KIF27: variants seen among roughly 807,000 people sequenced by gnomAD.
KIF27 encodes the protein kinesin-like protein KIF27.
A neutral mutation model predicts 141.8 loss-of-function variants in KIF27; 84 were observed. That is an observed-to-expected ratio of 0.59 (90% CI 0.50 to 0.71). KIF27 has a LOEUF of 0.71. Ranked by LOEUF, KIF27 falls within the 30% of genes least tolerant of loss-of-function variation. The probability of loss-of-function intolerance (pLI) is 0.00; values close to 1 mark genes in which losing one functional copy is unlikely to be tolerated. For missense variants in KIF27, 1,306 were observed against 1,628.4 expected (o/e 0.80, Z 3.41); for synonymous variants, 471 against 569.5 (o/e 0.83, Z 2.46).
rs140354568 is a variant in KIF27, at chr9:83,870,543, C to T, written c.2733G>A (p.Ser911=). 2.1e-3 allele frequency: 3,430 copies of T among 1,613,806 alleles called. 12 individuals carry two copies. Among genetic ancestry groups the T allele is most frequent in the Non-Finnish European group, 2.6e-3 (3,120 of 1,179,812 alleles). ...CCTGGAGATGGTCTATACTTCCAAACGAACCTTTTCTCCTTTTCAAGTTAC... is the reference window on the plus strand; with the variant it reads ...CCTGGAGATGGTCTATACTTCCAAATGAACCTTTTCTCCTTTTCAAGTTAC... ...DACNLKRRKG[S]FGSIDHLQKL... is the part of the protein sequence containing the mutation. Residue 911 remains serine, a synonymous_variant, in exon 12 of 18, where the codon TCG becomes TCA. Transcript: ENST00000297814.
At chr9:83,871,070 C>T (rs1950749214) in intron 11 of KIF27, among the ~76,000 whole-genome samples, 2 of 151,984 alleles carry the variant, frequency 1.3e-5, no homozygotes, top group Non-Finnish European at 2.9e-5. Context: ...ACCACCACAT[C>T]CAGCTAATTT....
intron 16 of KIF27, among the ~76,000 whole-genome samples, chr9:83,849,834 A>T (rs1489143732): frequency 6.6e-6 from 1 of 152,188 alleles, no homozygotes. Flanking sequence ...TAAAAACTAG[A>T]CCAACAACAA....
chr9:83,848,357 A>C (rs1320312145), intron 16 of KIF27, among the ~76,000 whole-genome samples: 1 of 129,412 alleles, frequency 7.7e-6, no homozygotes, highest in Non-Finnish European at 1.5e-5. Context: ...ATCTATATAT[A>C]TCTACATATA....
chr9:83,871,580 T>G (rs1162621228), intron 11 of KIF27, among the ~76,000 whole-genome samples: 2 of 152,116 alleles, frequency 1.3e-5, no homozygotes, highest in East Asian at 3.9e-4. Flanking sequence ...AAAAGAAAAG[T>G]AATGTTCAAT....
chr9:83,836,212 T>G lies in KIF27; in HGVS notation c.*789A>C, dbSNP rs1479867560. On this transcript the variant is annotated 3_prime_UTR_variant, in exon 18 of 18. Coordinates refer to ENST00000297814, the MANE Select transcript of KIF27 (RefSeq NM_017576.4). ...GACATACTCCATGTGACCAGAGATG[T>G]CATAACCAGTGTTCTTTCTCTTGAA... Among the ~76,000 whole-genome samples the G allele has an allele frequency of 6.6e-6, 1 of 152,148 alleles. No homozygotes were observed. Among genetic ancestry groups the G allele is most frequent in the African/African-American group, 2.4e-5 (1 of 41,434 alleles).
At chr9:83,896,350 T>C (rs1269894137) in intron 5 of KIF27, among the ~76,000 whole-genome samples, 1 of 152,200 alleles carries the variant, frequency 6.6e-6, no homozygotes, top group Non-Finnish European at 1.5e-5. Context: ...ACACTCCTTA[T>C]CAAAAACTGA....
chr9:83,848,327 A>ATATCTATATATATCTATG (rs1212241537), intron 16 of KIF27, among the ~76,000 whole-genome samples: 3 of 92,856 alleles, frequency 3.2e-5, no homozygotes, highest in Admixed American at 1.0e-4. Flanking sequence ...ATATATCTAT[A>ATATCTATATATATCTATG]TATCTATATA....
intron 2 of KIF27, among the ~76,000 whole-genome samples, chr9:83,911,499 G>A (rs1398703409): frequency 6.6e-6 from 1 of 152,002 alleles, no homozygotes; most frequent in Non-Finnish European, 1.5e-5. Flanking sequence ...AAAGTGCTGA[G>A]CTTACAGGCG....
At chr9:83,842,449 C>G in intron 16 of KIF27, 48 bp from the exon 17 acceptor site, 1 of 1,464,394 alleles carries the variant, frequency 6.8e-7, no homozygotes, top group Non-Finnish European at 9.0e-7. Flanking sequence ...ATAAATGATG[C>G]AAAATTATGT....
At chr9:83,883,118 T>C (rs1422613062) in intron 10 of KIF27, among the ~76,000 whole-genome samples, 1 of 152,018 alleles carries the variant, frequency 6.6e-6, no homozygotes. Context: ...TAATTACAAC[T>C]CTACCTAAAA....
chr9:83,920,027 T>C lies in KIF27; in HGVS notation c.-88+1344A>G, dbSNP rs184003393. Among the ~76,000 whole-genome samples, 314 of 151,908 alleles carry C rather than the reference T, an allele frequency of 2.1e-3. 1 individual carries two copies. The highest frequency in any genetic ancestry group is 7.2e-3 in the African/African-American group (297 of 41,432). The stretch of plus-strand genomic sequence containing the variant: ...CAGGTGGATCGCTTCAGCCCACGAG[T>C]TCCAGACCAGCCTGGGCAACATGGT... On this transcript the variant is annotated intron_variant, in intron 1 of 17. Coordinates refer to ENST00000297814, the MANE Select transcript of KIF27 (RefSeq NM_017576.4).
chr9:83,890,412 T>C (rs1444736505), intron 6 of KIF27, among the ~76,000 whole-genome samples: 1 of 152,214 alleles, frequency 6.6e-6, no homozygotes, highest in Non-Finnish European at 1.5e-5. Context: ...GGCTATTTTA[T>C]CCCATAACTG....
chr9:83,886,902 C>T lies in KIF27; in HGVS notation c.2239+139G>A, dbSNP rs1952158583. 8 of 926,932 alleles carry T rather than the reference C, an allele frequency of 8.6e-6. No homozygotes were observed. In the South Asian group the frequency reaches 2.3e-4, roughly 26 times the overall value. 57.4% of individuals were successfully genotyped at this position (926,932 alleles called of 1,614,324 possible). On this transcript the variant is annotated intron_variant, in intron 9 of 17. Transcript: ENST00000297814. ...TGATAACTAACCTCCACATATTGGC[C>T]TAAAAACTCACCTTGTTACACCAAT...
chr9:83,848,079 TATATC>T lies in KIF27; in HGVS notation c.3556+2015_3556+2019del, dbSNP rs1389776083. ...TATATATCATATATATGATATATGA[TATATC>T]ATATATATGATATATATGATATCTC... On this transcript the variant is annotated intron_variant, in intron 16 of 17. Coordinates refer to ENST00000297814, the MANE Select transcript of KIF27 (RefSeq NM_017576.4). Among the ~76,000 whole-genome samples, 2 of 74,780 alleles carry T rather than the reference TATATC, an allele frequency of 2.7e-5. 1 individual carries two copies. Among genetic ancestry groups the T allele is most frequent in the Non-Finnish European group, 4.8e-5 (2 of 41,546 alleles). 49.1% of individuals were successfully genotyped at this position (74,780 alleles called of 152,430 possible). A position where few individuals can be genotyped will look rare whatever the true frequency, so the allele number is the denominator to read the frequency against.
chr9:83,857,974 T>G (rs573297349), intron 14 of KIF27, among the ~76,000 whole-genome samples: 9 of 151,540 alleles, frequency 5.9e-5, no homozygotes, highest in Non-Finnish European at 8.8e-5. Context: ...GGGTTTTTTT[T>G]TTTTTTTTTT....
intron 2 of KIF27, among the ~76,000 whole-genome samples, chr9:83,909,155 T>G (rs1160757181): frequency 6.6e-6 from 1 of 152,046 alleles, no homozygotes; most frequent in Non-Finnish European, 1.5e-5. Context: ...GAATAACTGA[T>G]AAGTGAATTA....
intron 10 of KIF27, among the ~76,000 whole-genome samples, chr9:83,882,397 C>T (rs944614206): frequency 1.3e-5 from 2 of 152,080 alleles, no homozygotes; most frequent in Admixed American, 6.6e-5. Context: ...AACTGAAAAC[C>T]GGTATTGTCA....
intron 12 of KIF27, chr9:83,868,325 A>G (rs1202744904): frequency 6.5e-6 from 1 of 152,676 alleles, no homozygotes; most frequent in African/African-American, 2.4e-5. Context: ...CACAGTAGGC[A>G]TTCAATAAAA....
At chr9:83,888,019 T>C (rs1952275033) in intron 8 of KIF27, among the ~76,000 whole-genome samples, 1 of 68,672 alleles carries the variant, frequency 1.5e-5, no homozygotes, top group South Asian at 6.7e-4. Flanking sequence ...CAGTGGCTCA[T>C]GCCTGTAATC....
Sources: gnomAD v4.1 joint callset for allele counts (sites outside exome capture counted in the v4.1 genomes callset) on GRCh38, gnomAD v4.1.1 for gene constraint, MANE v1.5 for transcripts, NCBI Gene and HGNC (gene_info 2026-07-23, HGNC 2026-07-21) for gene names.